The following LARP1B variants were observed in gnomAD, a reference collection of about 807,000 sequenced individuals.
LARP1B encodes the protein La ribonucleoprotein 1B.
LARP1B carries 76 observed loss-of-function variants against 114.2 expected under a neutral mutation model. The observed-to-expected ratio is 0.67, with a 90% CI of 0.55 to 0.81. LARP1B has a LOEUF of 0.81. Among genes scored for constraint, LARP1B ranks in the 30% least tolerant of loss-of-function variants. The pLI, the probability that LARP1B is intolerant of heterozygous loss-of-function variation, is 0.00. For synonymous variants in LARP1B, 345 were observed against 348.0 expected (o/e 0.99, Z 0.10); for missense variants, 1,014 against 1,075.8 (o/e 0.94, Z 0.80).
Position 128,091,070 on chromosome 4 carries a change from A to T in LARP1B, c.428A>T (p.Asn143Ile). The T allele has an allele frequency of 6.2e-7, 1 of 1,613,998 alleles. No individual in the cohort carries two copies. Among genetic ancestry groups the T allele is most frequent in the Non-Finnish European group, 8.5e-7 (1 of 1,179,882 alleles). ...TCCAGTGTGAGAAGTGAGGGTGGTAATATCCGAGGTTCCTTTAGAGGTCGA... is the reference window on the plus strand; with the variant it reads ...TCCAGTGTGAGAAGTGAGGGTGGTATTATCCGAGGTTCCTTTAGAGGTCGA... ...DVSSVRSEGG[N>I]IRGSFRGRGR... Residue 143 changes from asparagine (N) to isoleucine (I), a missense_variant, in exon 6 of 20, where the codon AAT (asparagine) becomes ATT (isoleucine). By Grantham distance (149) the Asn-to-Ile change is moderately radical. Transcript: ENST00000326639.
intron 1 of LARP1B, chr4:128,069,161 G>T: frequency 1.8e-6 from 2 of 1,108,818 alleles, no homozygotes; most frequent in Non-Finnish European, 2.7e-6. Flanking sequence ...TCCTATGCTT[G>T]TGGACTGGTT....
intron 5 of LARP1B, among the ~76,000 whole-genome samples, chr4:128,089,623 A>G (rs1430497505): frequency 1.3e-5 from 2 of 152,156 alleles, no homozygotes; most frequent in African/African-American, 2.4e-5. Context: ...GGTGTGAGCC[A>G]CCGCACCCGG....
At chr4:128,217,080 A>G (rs1425272733) in intron 6 of LARP1B, among the ~76,000 whole-genome samples, 2 of 150,184 alleles carry the variant, frequency 1.3e-5, no homozygotes, top group Non-Finnish European at 3.0e-5. Context: ...ACACTCTCCC[A>G]AGACTAAACC....
At chr4:128,178,347 T>G in intron 13 of LARP1B, 84 bp from the exon 14 acceptor site, 1 of 956,610 alleles carries the variant, frequency 1.0e-6, no homozygotes, top group Non-Finnish European at 1.6e-6. Flanking sequence ...CCTTTGAGCT[T>G]AGAGAATTAC....
intron 15 of LARP1B, among the ~76,000 whole-genome samples, chr4:128,181,986 A>AT (rs1242210979): frequency 1.4e-5 from 2 of 138,198 alleles, no homozygotes; most frequent in South Asian, 2.3e-4. Context: ...TTTTTTTTGT[A>AT]TTTTTTTAGT....
At position 128,119,421 on chromosome 4, in the gene LARP1B, C is replaced by T. The variant is rs1355048303; in HGVS notation, c.1162-2405C>T. ...TAGGATGTGTTCAACTTCTGTTCAG[C>T]CCCAGTACACAAAACATGAGCCCTC... On this transcript the variant is annotated intron_variant, in intron 10 of 19. Coordinates refer to ENST00000326639, the MANE Select transcript of LARP1B (RefSeq NM_018078.4). Among the ~76,000 whole-genome samples, 7 of 152,154 alleles carry T rather than the reference C, an allele frequency of 4.6e-5. No individual in the cohort carries two copies. In the East Asian group the frequency reaches 1.3e-3, roughly 29 times the overall value.
chr4:128,131,563 T>G (rs1421689565), intron 11 of LARP1B, among the ~76,000 whole-genome samples: 1 of 151,954 alleles, frequency 6.6e-6, no homozygotes, highest in East Asian at 1.9e-4. Context: ...AACGTAAAGA[T>G]ATAAACTAGG....
At chr4:128,150,141 A>T (rs1442946675) in intron 11 of LARP1B, among the ~76,000 whole-genome samples, 1 of 152,076 alleles carries the variant, frequency 6.6e-6, no homozygotes, top group Non-Finnish European at 1.5e-5. Context: ...ACAGACCAAG[A>T]CTCCATCTCA....
Position 128,211,560 on chromosome 4 carries a change from T to C in LARP1B, c.*1507T>C, listed in dbSNP as rs768498824. The C allele has an allele frequency of 1.4e-5, 13 of 927,814 alleles. No homozygotes were observed. Among genetic ancestry groups the C allele is most frequent in the African/African-American group, 1.8e-5 (1 of 55,966 alleles). The allele number at this position is 927,814 out of a possible 1,614,324, so 57.5% of individuals were successfully genotyped here. On this transcript the variant is annotated 3_prime_UTR_variant, in exon 20 of 20. Transcript: ENST00000326639. The stretch of plus-strand genomic sequence containing the variant: ...AAATTTGAATATTCAGAAAATAAAT[T>C]TATTTAGATATATTGTAAAGAGGGT...
chr4:128,207,163 G>C (rs1757841454), intron 18 of LARP1B, 93 bp from the exon 19 acceptor site: 1 of 557,146 alleles, frequency 1.8e-6, no homozygotes, highest in Non-Finnish European at 2.8e-6. Flanking sequence ...TATATTGGAA[G>C]ATAAATTGTT....
At chr4:128,102,214 A>G (rs1027887747) in intron 8 of LARP1B, among the ~76,000 whole-genome samples, 1 of 152,208 alleles carries the variant, frequency 6.6e-6, no homozygotes, top group African/African-American at 2.4e-5. Flanking sequence ...TCTGTTGAGA[A>G]AGTAAGGCTT....
intron 7 of LARP1B, among the ~76,000 whole-genome samples, chr4:128,221,946 C>T (rs1445748644): frequency 2.0e-5 from 3 of 152,164 alleles, no homozygotes; most frequent in African/African-American, 7.2e-5. Flanking sequence ...CATGGTGGTA[C>T]AGTAAGCACT....
chr4:128,084,033 C>T (rs62335646), intron 5 of LARP1B, among the ~76,000 whole-genome samples: 90,932 of 150,638 alleles, frequency 0.6, 28,243 homozygotes, highest in Middle Eastern at 0.8. Context: ...GATGGGCGGC[C>T]GGGCAGAGAC....
intron 9 of LARP1B, among the ~76,000 whole-genome samples, chr4:128,113,532 G>A (rs541110777): frequency 1.3e-5 from 2 of 151,246 alleles, no homozygotes; most frequent in South Asian, 2.1e-4. Context: ...TAGTAGACAC[G>A]GAGTTTCACC....
chr4:128,192,770 G>C (rs1283268817), intron 15 of LARP1B, among the ~76,000 whole-genome samples: 2 of 151,692 alleles, frequency 1.3e-5, no homozygotes, highest in Non-Finnish European at 2.9e-5. Flanking sequence ...TTCATGTGTA[G>C]TATAAGCACC....
intron 11 of LARP1B, among the ~76,000 whole-genome samples, chr4:128,135,807 G>A (rs971705406): frequency 6.6e-6 from 1 of 151,962 alleles, no homozygotes; most frequent in African/African-American, 2.4e-5. Context: ...ATGGGTATAG[G>A]GTTTTATTTT....
chr4:128,074,236 G>A (rs1304027709), intron 1 of LARP1B, among the ~76,000 whole-genome samples: 2 of 152,102 alleles, frequency 1.3e-5, no homozygotes, highest in Non-Finnish European at 1.5e-5. Flanking sequence ...CACCCCGCCC[G>A]GCAACACTGT....
intron 11 of LARP1B, among the ~76,000 whole-genome samples, chr4:128,142,631 C>A (rs1728551223): frequency 6.6e-6 from 1 of 151,932 alleles, no homozygotes; most frequent in Admixed American, 6.6e-5. Context: ...GCCTCAGCCC[C>A]CCGAGTATCT....
intron 11 of LARP1B, among the ~76,000 whole-genome samples, chr4:128,133,860 C>T (rs955670940): frequency 1.3e-4 from 20 of 152,008 alleles, no homozygotes; most frequent in Admixed American, 1.2e-3. Context: ...CCATGCCCGA[C>T]CATTGTTTGT....
Sources: gnomAD v4.1 joint callset for allele counts (sites outside exome capture counted in the v4.1 genomes callset) on GRCh38, gnomAD v4.1.1 for gene constraint, MANE v1.5 for transcripts, NCBI Gene and HGNC (gene_info 2026-07-23, HGNC 2026-07-21) for gene names.